Variants in HYKK observed in about 807,000 individuals in gnomAD.
HYKK encodes the protein hydroxylysine kinase.
In HYKK, 19 loss-of-function variants were observed where a neutral mutation model predicts 29.7. That is an observed-to-expected ratio of 0.64 (90% CI 0.45 to 0.94). The LOEUF (loss-of-function observed/expected upper bound fraction) is 0.94. Among genes scored for constraint, HYKK ranks in the 40% least tolerant of loss-of-function variants. The pLI, the probability that HYKK is intolerant of heterozygous loss-of-function variation, is 0.00. For missense variants in HYKK, 390 were observed against 443.4 expected (o/e 0.88, Z 1.08); for synonymous variants, 152 against 158.1 (o/e 0.96, Z 0.29).
At chr15:78,519,728 T>C (rs1156939648) in intron 3 of HYKK, among the ~76,000 whole-genome samples, 1 of 152,112 alleles carries the variant, frequency 6.6e-6, no homozygotes, top group African/African-American at 2.4e-5. Flanking sequence ...ACCACTGCAC[T>C]CCAGCCTGGG....
intron 3 of HYKK, among the ~76,000 whole-genome samples, chr15:78,516,343 CTTTTTTTT>C (rs575124681): frequency 1.7e-5 from 2 of 115,954 alleles, no homozygotes; most frequent in African/African-American, 3.2e-5. Flanking sequence ...AAGGGTTGGT[CTTTTTTTT>C]TTTTTTTTTT....
chr15:78,518,760 C>T (rs889085336), intron 3 of HYKK: 2 of 332,508 alleles, frequency 6.0e-6, no homozygotes, highest in African/African-American at 4.4e-5. Context: ...ACTAAAAATA[C>T]AAAAATTAGC....
downstream of HYKK, chr15:78,537,252 AC>A (rs2052370493): frequency 5.3e-6 from 3 of 562,844 alleles, no homozygotes; most frequent in Non-Finnish European, 9.9e-6. Context: ...TCTCTGGAAG[AC>A]CCTAATATAA....
At chr15:78,526,994 G>A (rs1313315792) in intron 3 of HYKK, among the ~76,000 whole-genome samples, 3 of 151,950 alleles carry the variant, frequency 2.0e-5, no homozygotes, top group Non-Finnish European at 2.9e-5. Flanking sequence ...GTGTAGCACC[G>A]GCCGGGCGAG....
chr15:78,527,167 T>A (rs2052262626), intron 3 of HYKK, among the ~76,000 whole-genome samples: 1 of 151,074 alleles, frequency 6.6e-6, no homozygotes, highest in Admixed American at 6.6e-5. Context: ...ATGCCTGTGA[T>A]CCCAGCTACT....
chr15:78,536,813 A>G (rs1160518869), downstream of HYKK, among the ~76,000 whole-genome samples: 3 of 152,204 alleles, frequency 2.0e-5, no homozygotes, highest in Admixed American at 1.3e-4. Context: ...AAGTTTCCAG[A>G]AGAGACTGGC....
intron 4 of HYKK, chr15:78,528,221 G>A (rs1347102283): frequency 6.3e-6 from 1 of 158,766 alleles, no homozygotes; most frequent in Non-Finnish European, 1.4e-5. Flanking sequence ...AGCAGCATTT[G>A]ATTCTCATAG....
rs775106893 is a variant in HYKK, at chr15:78,533,657, GGATCTCCATGTGACTGA to G, written c.*3_*19del. On this transcript the variant is annotated stop_retained_variant and 3_prime_UTR_variant, in exon 5 of 5. Transcript: ENST00000388988. ...GAAACTGCCAAATCCTATGAATCTGGGATCTCCATGTGACTGAGATCTCCATGTGACTCAAAGTTCAC... is the reference window on the plus strand; with the variant it reads ...GAAACTGCCAAATCCTATGAATCTGGGATCTCCATGTGACTCAAAGTTCAC... 5.6e-6 allele frequency: 9 copies of G among 1,610,746 alleles called. No individual in the cohort carries two copies. The highest frequency in any genetic ancestry group is 1.7e-4 in the Middle Eastern group (1 of 6,054).
chr15:78,523,576 C>T (rs977991514), intron 3 of HYKK, among the ~76,000 whole-genome samples: 1 of 152,192 alleles, frequency 6.6e-6, no homozygotes, highest in Non-Finnish European at 1.5e-5. Flanking sequence ...TACAATCATC[C>T]TTTCTCAACA....
intron 3 of HYKK, among the ~76,000 whole-genome samples, chr15:78,517,109 C>CTTTTTTTTTTTTTTTTT (rs34680285): frequency 3.7e-5 from 4 of 108,402 alleles, no homozygotes; most frequent in Non-Finnish European, 5.6e-5. Context: ...TTCTTTCTTT[C>CTTTTTTTTTTTTTTTTT]TTTTTTTTTT....
intron 1 of HYKK, 133 bp from the exon 2 acceptor site, chr15:78,512,951 T>C: frequency 3.3e-6 from 2 of 604,378 alleles, no homozygotes; most frequent in Non-Finnish European, 5.8e-6. Flanking sequence ...TTTTTAACTT[T>C]ATGAGTAAAA....
chr15:78,508,504 A>C (rs965971680), intron 1 of HYKK, among the ~76,000 whole-genome samples: 3 of 152,056 alleles, frequency 2.0e-5, no homozygotes, highest in Admixed American at 6.6e-5. Flanking sequence ...CTTAAGTTCC[A>C]GCCCCCTCCC....
chr15:78,530,511 C>T (rs931741068), intron 4 of HYKK, among the ~76,000 whole-genome samples: 1 of 151,972 alleles, frequency 6.6e-6, no homozygotes, highest in Non-Finnish European at 1.5e-5. Context: ...TAGTGCTGTC[C>T]AGTAGGATTT....
intron 4 of HYKK, among the ~76,000 whole-genome samples, chr15:78,531,356 C>T (rs1026246445): frequency 6.6e-6 from 1 of 152,072 alleles, no homozygotes; most frequent in Non-Finnish European, 1.5e-5. Flanking sequence ...AAGTTATATG[C>T]CCATTAGGTC....
rs138166054 is a variant in HYKK, at chr15:78,521,489, C to A, written c.478-5891C>A. The stretch of plus-strand genomic sequence containing the variant: ...TTTGCCATTACTTTTAATTGCAACA[C>A]TGCAATTACTTTTGCACCAACCTAA... On this transcript the variant is annotated intron_variant, in intron 3 of 4. Coordinates refer to ENST00000388988, the MANE Select transcript of HYKK (RefSeq NM_001013619.4). Among the ~76,000 whole-genome samples the A allele has an allele frequency of 6.8e-3, 1,038 of 151,796 alleles. 16 individuals are homozygous for A. The highest frequency in any genetic ancestry group is 0.024 in the African/African-American group (1,005 of 41,368).
intron 4 of HYKK, among the ~76,000 whole-genome samples, chr15:78,530,194 TTATTTA>T (rs1450819899): frequency 1.6e-5 from 1 of 61,218 alleles, no homozygotes; most frequent in African/African-American, 6.7e-5. Flanking sequence ...CAACCATTAT[TTATTTA>T]TTTTTTTTTT....
At chr15:78,520,493 G>A (rs1204649724) in intron 3 of HYKK, among the ~76,000 whole-genome samples, 3 of 152,060 alleles carry the variant, frequency 2.0e-5, no homozygotes, top group South Asian at 2.1e-4. Context: ...ATCTTGCACC[G>A]CCCTTAATCC....
At chr15:78,520,446 G>A (rs915014753) in intron 3 of HYKK, among the ~76,000 whole-genome samples, 1 of 151,984 alleles carries the variant, frequency 6.6e-6, no homozygotes, top group African/African-American at 2.4e-5. Flanking sequence ...GACTCTTAAC[G>A]AGCATGCTGC....
chr15:78,520,070 G>A (rs1042315497), intron 3 of HYKK, among the ~76,000 whole-genome samples: 2 of 152,218 alleles, frequency 1.3e-5, no homozygotes, highest in African/African-American at 2.4e-5. Flanking sequence ...CTGCTCTGCT[G>A]TGCAACTTTA....
Sources: gnomAD v4.1 joint callset for allele counts (sites outside exome capture counted in the v4.1 genomes callset) on GRCh38, gnomAD v4.1.1 for gene constraint, MANE v1.5 for transcripts, NCBI Gene and HGNC (gene_info 2026-07-23, HGNC 2026-07-21) for gene names.